Variants in UCK1 observed in about 807,000 individuals in gnomAD.
UCK1 encodes uridine-cytidine kinase 1.
A neutral mutation model predicts 34.0 loss-of-function variants in UCK1; 20 were observed. The ratio of observed to expected loss-of-function variants is 0.59; its 90% CI spans 0.41 to 0.86. The LOEUF (loss-of-function observed/expected upper bound fraction) is 0.86. Ranked by LOEUF, UCK1 falls within the 40% of genes least tolerant of loss-of-function variation. The pLI is 0.00. For missense variants in UCK1, 343 were observed against 383.6 expected (o/e 0.89, Z 0.88); for synonymous variants, 168 against 155.9 (o/e 1.08, Z -0.58).
At chr9:131,528,641 G>A (rs1950703132) in intron 5 of UCK1, among the ~76,000 whole-genome samples, 1 of 152,234 alleles carries the variant, frequency 6.6e-6, no homozygotes, top group South Asian at 2.1e-4. Flanking sequence ...AGAGGCTGGC[G>A]CTGGGTGCAG....
Position 131,530,649 on chromosome 9 carries a change from G to C in UCK1, c.109-4C>G, listed in dbSNP as rs761977781. 25 of 1,614,226 alleles carry C rather than the reference G, an allele frequency of 1.5e-5. No individual in the cohort carries two copies. The East Asian group carries it at 3.3e-4, about 22-fold the overall frequency. On this transcript the variant is annotated splice_region_variant and splice_polypyrimidine_tract_variant and intron_variant, in intron 1 of 6. Coordinates refer to ENST00000372215, the MANE Select transcript of UCK1 (RefSeq NM_031432.5). Reference sequence around the variant, plus strand: ...TGATCTTCTCACACACGGTCGACTGGAGACACAGAAGCGGGATTCCCGCCT... The same window carrying C: ...TGATCTTCTCACACACGGTCGACTGCAGACACAGAAGCGGGATTCCCGCCT...
At chr9:131,528,463 T>TG (rs1490216283) in intron 5 of UCK1, among the ~76,000 whole-genome samples, 2 of 152,194 alleles carry the variant, frequency 1.3e-5, no homozygotes, top group Admixed American at 6.5e-5. Context: ...CAGAGCAGCC[T>TG]GGGGTCACAG....
Position 131,525,996 on chromosome 9 carries a change from G to T in UCK1, c.604-19C>A, listed in dbSNP as rs763478208. ...TCTTTGTCTGTAAGGCACAAGGGGG[G>T]GTGTTCCTGTGAGGACTTTTCCTTC... On this transcript the variant is annotated intron_variant, in intron 5 of 6. Transcript: ENST00000372215. The T allele has an allele frequency of 3.0e-5, 48 of 1,613,618 alleles. No individual in the cohort carries two copies. Among genetic ancestry groups the T allele is most frequent in the Non-Finnish European group, 3.9e-5 (46 of 1,179,898 alleles).
intron 2 of UCK1, 35 bp from the exon 3 acceptor site, chr9:131,529,619 T>G (rs376632128): frequency 1.7e-4 from 274 of 1,602,240 alleles, no homozygotes; most frequent in Non-Finnish European, 2.2e-4. Context: ...GACAGGCAGA[T>G]GCCCTCGTGC....
rs772907506 is a variant in UCK1, at chr9:131,529,561, G to A, written c.292C>T (p.His98Tyr). ...TCCACGATGTTCTTCAGAGTCCTGT[G>A]CATCAAATCATTATCAAAGGCATCT... ...HPDAFDNDLM[H>Y]RTLKNIVEGK... Residue 98 changes from histidine (H) to tyrosine (Y), a missense_variant, in exon 3 of 7, where the codon CAC (histidine) becomes TAC (tyrosine). Coordinates refer to ENST00000372215, the MANE Select transcript of UCK1 (RefSeq NM_031432.5). 6.2e-7 allele frequency: 1 copy of A among 1,614,152 alleles called. No individual in the cohort carries two copies. Among genetic ancestry groups the A allele is most frequent in the African/African-American group, 1.3e-5 (1 of 75,030 alleles).
chr9:131,530,227 G>A (rs1270621305), intron 2 of UCK1, among the ~76,000 whole-genome samples: 1 of 152,260 alleles, frequency 6.6e-6, no homozygotes, highest in Admixed American at 6.5e-5. Context: ...TTGTGGCAGG[G>A]CAGGGCAGGG....
At chr9:131,525,343 C>A in intron 6 of UCK1, 122 bp from the exon 7 acceptor site, 1 of 1,141,898 alleles carries the variant, frequency 8.8e-7, no homozygotes, top group South Asian at 1.3e-5. Context: ...CAGCCTGCGG[C>A]GAGGGGCATC....
At position 131,528,931 on chromosome 9, in the gene UCK1, C is replaced by G; in HGVS notation, c.603+13G>C. 6.2e-7 allele frequency: 1 copy of G among 1,613,524 alleles called. No homozygotes were observed. Among genetic ancestry groups the G allele is most frequent in the Non-Finnish European group, 8.5e-7 (1 of 1,179,698 alleles). The stretch of plus-strand genomic sequence containing the variant: ...AAGGGGAAAATGGGCTCTGAAGCAG[C>G]GAGCACAGGTACCGGCAGGCAGAAC... On this transcript the variant is annotated intron_variant, in intron 5 of 6. Coordinates refer to ENST00000372215, the MANE Select transcript of UCK1 (RefSeq NM_031432.5).
chr9:131,530,114 TG>T (rs1950773935), intron 2 of UCK1, among the ~76,000 whole-genome samples: 1 of 152,208 alleles, frequency 6.6e-6, no homozygotes, highest in Non-Finnish European at 1.5e-5. Context: ...CTGAGGACTT[TG>T]CCCCAAAGCA....
At chr9:131,526,098 T>TCCCC in intron 5 of UCK1, 121 bp from the exon 6 acceptor site, 1 of 1,127,106 alleles carries the variant, frequency 8.9e-7, no homozygotes, top group Non-Finnish European at 1.3e-6. Context: ...GGTGCTGGTG[T>TCCCC]CATCGGCAAA....
rs201596779 is a variant in UCK1 at position 131,528,927 on chromosome 9, G to A, written c.603+17C>T. 157 of 1,613,500 alleles carry A rather than the reference G, an allele frequency of 9.7e-5. 1 individual carries two copies. The Middle Eastern group carries it at 2.3e-3, about 24-fold the overall frequency. ...GTGAAAGGGGAAAATGGGCTCTGAA[G>A]CAGCGAGCACAGGTACCGGCAGGCA... is the stretch of plus-strand genomic sequence containing the variant. On this transcript the variant is annotated intron_variant, in intron 5 of 6. Transcript: ENST00000372215.
rs1013097150 is a variant in UCK1 at position 131,531,141 on chromosome 9, G to T, written c.34C>A (p.Pro12Thr). Residue 12 changes from proline to threonine, a missense_variant, in exon 1 of 7, where the codon CCC (proline) becomes ACC (threonine). By Grantham distance (38) the Pro-to-Thr change is conservative. Coordinates refer to ENST00000372215, the MANE Select transcript of UCK1 (RefSeq NM_031432.5). ...TGCGGACGGTCGGCCTCCGGCGCGG[G>T]GCTCTCGCAGTCTTCGCCTCCCGCC... ...ASAGGEDCES[P>T]APEADRPHQR... 4.1e-6 allele frequency: 6 copies of T among 1,447,302 alleles called. No homozygotes were observed. The African/African-American group carries it at 7.4e-5, about 18-fold the overall frequency. The allele number at this position is 1,447,302 out of a possible 1,614,324, so 89.7% of individuals were successfully genotyped here.
intron 5 of UCK1, chr9:131,526,446 C>T: frequency 7.7e-7 from 1 of 1,290,768 alleles, no homozygotes; most frequent in Non-Finnish European, 1.0e-6. Flanking sequence ...GTAACTTACT[C>T]CCTCATCCAA....
At position 131,530,990 on chromosome 9, in the gene UCK1, G is replaced by A. The variant is rs1950822272; in HGVS notation, c.108+77C>T. The A allele has an allele frequency of 3.2e-6, 4 of 1,257,352 alleles. No homozygotes were observed. The African/African-American group carries it at 6.3e-5, about 20-fold the overall frequency. 77.9% of individuals were successfully genotyped at this position (1,257,352 alleles called of 1,614,324 possible). A position where few individuals can be genotyped will look rare whatever the true frequency, so the allele number is the denominator to read the frequency against. On this transcript the variant is annotated intron_variant, in intron 1 of 6. Coordinates refer to ENST00000372215, the MANE Select transcript of UCK1 (RefSeq NM_031432.5). ...CCTGGCAGGGGGCCCCTCGGCCGGG[G>A]CTGGGGTCTCCTCTCTGGACCGGGC...
In UCK1 at chr9:131,525,868, A is replaced by G. The variant is rs1950584832; in HGVS notation, c.652+61T>C. On this transcript the variant is annotated intron_variant, in intron 6 of 6. Coordinates refer to ENST00000372215, the MANE Select transcript of UCK1 (RefSeq NM_031432.5). ...TGCTCAGTAACTGCACACTGGTGGA[A>G]CTGTCCCTGCCTCAAGCTCTGGGAG... is the stretch of plus-strand genomic sequence containing the variant. 3.8e-6 allele frequency: 6 copies of G among 1,573,690 alleles called. No individual in the cohort carries two copies. In the Admixed American group the frequency reaches 1.0e-4, roughly 27 times the overall value.
At chr9:131,529,342 C>T in intron 3 of UCK1, 72 bp from the exon 4 acceptor site, 1 of 1,607,086 alleles carries the variant, frequency 6.2e-7, no homozygotes, top group South Asian at 1.1e-5. Context: ...AGTCAGCTTC[C>T]ATTGCAGGGA....
Position 131,525,016 on chromosome 9 carries a change from C to T in UCK1, c.*24G>A. Reference sequence around the variant, plus strand: ...CTGAACACACATGCCGGGCGGGAGACCTGCCCTGAGGCTCGGCAGCCCCTC... The same window carrying T: ...CTGAACACACATGCCGGGCGGGAGATCTGCCCTGAGGCTCGGCAGCCCCTC... On this transcript the variant is annotated 3_prime_UTR_variant, in exon 7 of 7. Coordinates refer to ENST00000372215, the MANE Select transcript of UCK1 (RefSeq NM_031432.5). 6.2e-7 allele frequency: 1 copy of T among 1,600,922 alleles called. No individual in the cohort carries two copies. Among genetic ancestry groups the T allele is most frequent in the Non-Finnish European group, 8.5e-7 (1 of 1,171,284 alleles).
chr9:131,531,217 T>A lies in UCK1; in HGVS notation c.-43A>T. ...CGCATCGGGTCCCCGCGCCCGCCCC[T>A]TCCCCAGGCCCGGCGCGCCCGCCCA... On this transcript the variant is annotated 5_prime_UTR_variant, in exon 1 of 7. It adds an upstream start codon to the 5' untranslated region. Coordinates refer to ENST00000372215, the MANE Select transcript of UCK1 (RefSeq NM_031432.5). 6.7e-6 allele frequency: 9 copies of A among 1,334,366 alleles called. No individual in the cohort carries two copies. The highest frequency in any genetic ancestry group is 8.7e-6 in the Non-Finnish European group (9 of 1,039,932). The allele number at this position is 1,334,366 out of a possible 1,614,324, so 82.7% of individuals were successfully genotyped here. A position where few individuals can be genotyped will look rare whatever the true frequency, so the allele number is the denominator to read the frequency against.
At chr9:131,528,486 C>T (rs55731364) in intron 5 of UCK1, among the ~76,000 whole-genome samples, 17,151 of 152,212 alleles carry the variant, frequency 0.11, 1,202 homozygotes, top group Non-Finnish European at 0.15. Flanking sequence ...CCTGGAGGAG[C>T]AGCTCTGAAG....
Sources: allele counts gnomAD v4.1 joint callset (sites outside exome capture counted in the v4.1 genomes callset), GRCh38; gene constraint gnomAD v4.1.1; transcripts MANE v1.5; gene names NCBI Gene and HGNC (gene_info 2026-07-23, HGNC 2026-07-21).